The following TBCK variants were observed in gnomAD, a reference collection of about 807,000 sequenced individuals.
TBCK encodes TBC domain-containing protein kinase-like protein.
Under a neutral mutation model 113.4 loss-of-function variants are expected in TBCK, and 99 were observed. The observed-to-expected ratio is 0.87, with a 90% confidence interval of 0.74 to 1.03. The LOEUF is 1.03. Ranked by LOEUF, TBCK falls within the 50% of genes least tolerant of loss-of-function variation. The pLI is 0.00. For missense variants in TBCK, 1,045 were observed against 1,061.3 expected, an observed-to-expected ratio of 0.98 and a Z score of 0.21; for synonymous variants, 369 against 370.8, an observed-to-expected ratio of 1.00 and a Z score of 0.05.
intron 23 of TBCK, among the ~76,000 whole-genome samples, chr4:106,155,495 C>T (rs992078081): frequency 1.3e-5 from 2 of 152,094 alleles, no homozygotes; most frequent in Non-Finnish European, 2.9e-5. Flanking sequence ...TTTCTCTCTC[C>T]TCTTTAAGTC....
At chr4:106,300,351 A>G (rs146544585) in intron 2 of TBCK, among the ~76,000 whole-genome samples, 3 of 152,340 alleles carry the variant, frequency 2.0e-5, no homozygotes, top group African/African-American at 4.8e-5. Flanking sequence ...AGAATAAAGG[A>G]GTTGAATAAG....
intron 20 of TBCK, among the ~76,000 whole-genome samples, chr4:106,211,037 C>T (rs571330792): frequency 2.0e-5 from 3 of 152,136 alleles, no homozygotes; most frequent in Admixed American, 6.5e-5. Flanking sequence ...AAGTGATCCT[C>T]CTGCCTCAGC....
At chr4:106,185,022 C>T (rs1054590253) in intron 22 of TBCK, among the ~76,000 whole-genome samples, 1 of 151,900 alleles carries the variant, frequency 6.6e-6, no homozygotes, top group African/African-American at 2.4e-5. Flanking sequence ...TTGCAGCCAT[C>T]GTTTTCTCTC....
chr4:106,283,516 G>A (rs1764823569), intron 3 of TBCK, among the ~76,000 whole-genome samples: 1 of 152,114 alleles, frequency 6.6e-6, no homozygotes, highest in Non-Finnish European at 1.5e-5. Context: ...AAAGATTGGA[G>A]ATAACAGGGT....
rs35285037 is a variant in TBCK at position 106,045,057 on chromosome 4, C to CTT, written c.*1511_*1512dup. Reference sequence around the variant, plus strand: ...ATTTCTGAAATGGGAATGTATCTTTCTTTTTTTTTTTTTTTTTGAGATGGC... The same window carrying CTT: ...ATTTCTGAAATGGGAATGTATCTTTCTTTTTTTTTTTTTTTTTTTGAGATGGC... On this transcript the variant is annotated 3_prime_UTR_variant, in exon 26 of 26. Transcript: ENST00000394708. 1.3e-4 allele frequency: 16 copies of CTT among 126,924 alleles called. No individual in the cohort carries two copies. The highest frequency in any genetic ancestry group is 5.6e-4 in the Admixed American group (7 of 12,496). The allele number at this position is 126,924 out of a possible 1,614,324, so 7.9% of individuals were successfully genotyped here. A position where few individuals can be genotyped will look rare whatever the true frequency, so the allele number is the denominator to read the frequency against.
chr4:106,137,459 GCA>G (rs1746691729), intron 23 of TBCK, among the ~76,000 whole-genome samples: 1 of 139,832 alleles, frequency 7.2e-6, no homozygotes, highest in South Asian at 2.5e-4. Flanking sequence ...TTTGTAAATG[GCA>G]CAGACTATCA....
intron 25 of TBCK, among the ~76,000 whole-genome samples, chr4:106,079,569 C>A (rs1738618574): frequency 1.3e-5 from 2 of 152,042 alleles, no homozygotes; most frequent in African/African-American, 4.8e-5. Context: ...ACAATAGCCA[C>A]AAACAAAAAT....
intron 23 of TBCK, among the ~76,000 whole-genome samples, chr4:106,121,794 A>C (rs567618527): frequency 1.3e-5 from 2 of 152,348 alleles, no homozygotes; most frequent in Non-Finnish European, 2.9e-5. Flanking sequence ...TGACGAAATG[A>C]AGGCAGAAAT....
intron 11 of TBCK, among the ~76,000 whole-genome samples, chr4:106,243,525 G>T (rs1219310308): frequency 6.6e-6 from 1 of 151,664 alleles, no homozygotes. Flanking sequence ...TGTATGAATG[G>T]TATAATCAAA....
At chr4:106,267,275 C>T (rs12645698) in intron 3 of TBCK, among the ~76,000 whole-genome samples, 21,408 of 151,722 alleles carry the variant, frequency 0.14, 1,686 homozygotes, top group South Asian at 0.25. Flanking sequence ...CAAAAGGTAG[C>T]TTTCAAAATA....
intron 2 of TBCK, among the ~76,000 whole-genome samples, chr4:106,302,386 G>A (rs780934216): frequency 8.5e-5 from 13 of 152,084 alleles, no homozygotes; most frequent in Non-Finnish European, 1.8e-4. Flanking sequence ...TCAAAAAGAA[G>A]GTTCACAGGG....
chr4:106,090,212 G>A (rs971679179), intron 25 of TBCK, among the ~76,000 whole-genome samples: 2 of 152,234 alleles, frequency 1.3e-5, no homozygotes, highest in Non-Finnish European at 2.9e-5. Flanking sequence ...TCACATGAAA[G>A]CTGCCAGGGA....
upstream of TBCK, chr4:106,316,650 G>A: frequency 1.3e-6 from 2 of 1,530,142 alleles, no homozygotes; most frequent in Admixed American, 2.0e-5. Flanking sequence ...CGATCGTAGG[G>A]GTCTTCCTTC....
At chr4:106,072,428 C>G (rs182454905) in intron 25 of TBCK, among the ~76,000 whole-genome samples, 2 of 152,306 alleles carry the variant, frequency 1.3e-5, no homozygotes, top group African/African-American at 4.8e-5. Context: ...TTGGCCCCTA[C>G]TCTCTTCTGG....
intron 25 of TBCK, among the ~76,000 whole-genome samples, chr4:106,086,979 T>C (rs1312828322): frequency 2.0e-5 from 3 of 152,134 alleles, no homozygotes; most frequent in Non-Finnish European, 4.4e-5. Flanking sequence ...CAATTTCATA[T>C]TGAATGGGCA....
chr4:106,054,364 C>A (rs928874190), intron 25 of TBCK, among the ~76,000 whole-genome samples: 3 of 151,594 alleles, frequency 2.0e-5, no homozygotes. Flanking sequence ...AAGAATGATT[C>A]TCTTAAAATA....
At position 106,301,236 on chromosome 4, in the gene TBCK, G is replaced by A. The variant is rs940653998; in HGVS notation, c.194-6070C>T. 4.6e-5 allele frequency among the ~76,000 whole-genome samples: 7 copies of A among 151,856 alleles called. No homozygotes were observed. The East Asian group carries it at 1.4e-3, about 29-fold the overall frequency. On this transcript the variant is annotated intron_variant, in intron 2 of 25. Transcript: ENST00000394708. ...AATACAGATTAAAATTTATATGCTA[G>A]AGATACAGAATAAATTATCTTGTAG...
chr4:106,240,891 T>C (rs1048505524), intron 12 of TBCK, among the ~76,000 whole-genome samples: 1 of 152,010 alleles, frequency 6.6e-6, no homozygotes, highest in Admixed American at 6.6e-5. Context: ...ATTAGCAAAC[T>C]GTTTCTATGC....
chr4:106,270,645 A>G (rs1053603877), intron 3 of TBCK, among the ~76,000 whole-genome samples: 5 of 152,224 alleles, frequency 3.3e-5, no homozygotes, highest in African/African-American at 1.2e-4. Context: ...TTTTGATTTG[A>G]GACCAATTCA....
Sources: allele counts gnomAD v4.1 joint callset (sites outside exome capture counted in the v4.1 genomes callset), GRCh38; gene constraint gnomAD v4.1.1; transcripts MANE v1.5; gene names NCBI Gene and HGNC (gene_info 2026-07-23, HGNC 2026-07-21).